The following LINGO2 variants were observed in gnomAD, a reference collection of about 807,000 sequenced individuals.
The protein encoded by LINGO2 is leucine-rich repeat and immunoglobulin-like domain-containing nogo receptor-interacting protein 2.
In LINGO2, 14 loss-of-function variants were observed where a neutral mutation model predicts 30.6. The observed-to-expected ratio is 0.46, with a 90% CI of 0.30 to 0.72. The LOEUF is 0.72. Ranked by LOEUF, LINGO2 falls within the 30% of genes least tolerant of loss-of-function variation. LINGO2 has a pLI of 0.07. For missense variants in LINGO2, 729 were observed against 751.7 expected (o/e 0.97, Z 0.35); for synonymous variants, 317 against 288.5 (o/e 1.10, Z -1.00).
the LINGO2 span, among the ~76,000 whole-genome samples, chr9:29,196,330 G>C: frequency 6.6e-6 from 1 of 151,912 alleles, no homozygotes; most frequent in African/African-American, 2.4e-5. Context: ...TATTTATCAT[G>C]TATAAGACAT....
chr9:28,635,186 C>T (rs1166633511), intron 1 of LINGO2, among the ~76,000 whole-genome samples: 2 of 152,210 alleles, frequency 1.3e-5, no homozygotes, highest in Non-Finnish European at 2.9e-5. Context: ...TCTTATTCTA[C>T]ACCTGTTGGA....
At chr9:28,340,789 G>A (rs1184119834) in intron 3 of LINGO2, among the ~76,000 whole-genome samples, 2 of 152,002 alleles carry the variant, frequency 1.3e-5, no homozygotes, top group African/African-American at 4.8e-5. Flanking sequence ...TAGAAAATAC[G>A]TAAAACTGTG....
chr9:29,154,677 A>T, the LINGO2 span, among the ~76,000 whole-genome samples: 1 of 152,188 alleles, frequency 6.6e-6, no homozygotes, highest in Non-Finnish European at 1.5e-5. Flanking sequence ...TTTTATAAGG[A>T]AAACAAATAT....
rs1377800431 is a variant in LINGO2 at position 28,254,919 on chromosome 9, AC to A, written c.-87+40288del. On this transcript the variant is annotated intron_variant, in intron 4 of 5. Transcript: ENST00000379992. ...TTTTCCTGATCCTCTCCCTGTTTCC[AC>A]CCTCCACCCTACAATAGGCCCCAGT... 2.0e-5 allele frequency among the ~76,000 whole-genome samples: 3 copies of A among 151,654 alleles called. No individual in the cohort carries two copies. The East Asian group carries it at 5.8e-4, about 29-fold the overall frequency.
intron 3 of LINGO2, among the ~76,000 whole-genome samples, chr9:28,330,027 G>A (rs1234638092): frequency 6.6e-6 from 1 of 152,146 alleles, no homozygotes; most frequent in African/African-American, 2.4e-5. Flanking sequence ...CAATGCGATA[G>A]TGTTTGGAGA....
At chr9:28,798,879 G>A in the LINGO2 span, among the ~76,000 whole-genome samples, 1 of 152,208 alleles carries the variant, frequency 6.6e-6, no homozygotes, top group East Asian at 1.9e-4. Context: ...ACACATATGT[G>A]AGAGGTACAG....
chr9:28,295,171 A>C (rs1823878101), intron 4 of LINGO2, 37 bp downstream of exon 6: 1 of 152,500 alleles, frequency 6.6e-6, no homozygotes. Flanking sequence ...CCCTTAGAGC[A>C]AGTAATAAAT....
intron 2 of LINGO2, among the ~76,000 whole-genome samples, chr9:28,386,410 A>T (rs145772235): frequency 0.01 from 1,586 of 152,264 alleles, 31 homozygotes; most frequent in African/African-American, 0.036. Flanking sequence ...AACTGTACAT[A>T]TCCTGTTCCT....
At chr9:28,307,631 A>C (rs1824424315) in intron 3 of LINGO2, among the ~76,000 whole-genome samples, 1 of 152,184 alleles carries the variant, frequency 6.6e-6, no homozygotes, top group Admixed American at 6.5e-5. Context: ...GAAAAGAGGA[A>C]GTCAAATTGT....
At chr9:29,014,826 A>C in the LINGO2 span, among the ~76,000 whole-genome samples, 1 of 152,140 alleles carries the variant, frequency 6.6e-6, no homozygotes, top group East Asian at 1.9e-4. Flanking sequence ...GAATGTAAAA[A>C]ATGTTATGAC....
the LINGO2 span, among the ~76,000 whole-genome samples, chr9:28,734,882 T>C: frequency 1.3e-5 from 2 of 152,188 alleles, no homozygotes; most frequent in South Asian, 2.1e-4. Flanking sequence ...TTCATATCAA[T>C]TGAATGACAC....
chr9:28,498,362 C>T (rs990512103), intron 1 of LINGO2, among the ~76,000 whole-genome samples: 6 of 152,142 alleles, frequency 3.9e-5, no homozygotes, highest in Admixed American at 6.6e-5. Context: ...CAATGGCGGG[C>T]GCCCCTCCGC....
rs1040870999 is a variant in LINGO2 at position 28,064,167 on chromosome 9, G to A, written c.-86-51762C>T. Among the ~76,000 whole-genome samples, 3 of 152,124 alleles carry A rather than the reference G, an allele frequency of 2.0e-5. No homozygotes were observed. In the South Asian group the frequency reaches 6.2e-4, roughly 31 times the overall value. ...AGCAGTGGCATAACATCAGAGAAAT[G>A]TCTAATCACCTTACCAGTCATTGTG... On this transcript the variant is annotated intron_variant, in intron 4 of 5. Coordinates refer to ENST00000379992, the Ensembl canonical transcript of LINGO2.
At chr9:28,479,313 T>A (rs1172543462) in intron 1 of LINGO2, among the ~76,000 whole-genome samples, 3 of 151,910 alleles carry the variant, frequency 2.0e-5, no homozygotes, top group Admixed American at 1.3e-4. Context: ...AAGAATCATA[T>A]CTCTGCTAGA....
At chr9:28,010,696 T>C (rs942353626) in intron 5 of LINGO2, among the ~76,000 whole-genome samples, 6 of 152,220 alleles carry the variant, frequency 3.9e-5, no homozygotes, top group Non-Finnish European at 7.3e-5. Flanking sequence ...CTTACGCCTA[T>C]AATCTCAGCA....
rs1273036735 is a variant in LINGO2 at position 28,147,586 on chromosome 9, CG to C, written c.-86-135182del. The stretch of plus-strand genomic sequence containing the variant: ...GCTTCCAGGTTCTGGCCCTGTAACC[CG>C]GGGGACAGGGCCGGCCAAGACAGGG... On this transcript the variant is annotated intron_variant, in intron 4 of 5. Transcript: ENST00000379992. This position sits in a 1 kb window ranked among gnomAD's most constrained non-coding sequence, Gnocchi z 4.7. 6.6e-6 allele frequency among the ~76,000 whole-genome samples: 1 copy of C among 151,966 alleles called. No homozygotes were observed. Among genetic ancestry groups the C allele is most frequent in the Non-Finnish European group, 1.5e-5 (1 of 67,986 alleles).
At chr9:28,298,663 A>G (rs2134197709) in intron 3 of LINGO2, among the ~76,000 whole-genome samples, 1 of 151,060 alleles carries the variant, frequency 6.6e-6, no homozygotes, top group Admixed American at 6.6e-5. Flanking sequence ...AGCCTGGGCA[A>G]CAAGAGCAAA....
chr9:29,086,089 A>G, the LINGO2 span, among the ~76,000 whole-genome samples: 2 of 152,120 alleles, frequency 1.3e-5, no homozygotes, highest in Non-Finnish European at 2.9e-5. Context: ...TCCTAATTAG[A>G]CCATAGGGAG....
intron 4 of LINGO2, among the ~76,000 whole-genome samples, chr9:28,050,554 G>C (rs929695972): frequency 1.3e-5 from 2 of 150,636 alleles, no homozygotes; most frequent in African/African-American, 4.9e-5. Context: ...TCACTGATAG[G>C]GTTCTAATCC....
Sources: gnomAD v4.1 joint callset for allele counts (sites outside exome capture counted in the v4.1 genomes callset) on GRCh38, gnomAD v4.1.1 for gene constraint, Gnocchi (gnomAD v3.1) non-coding constraint, MANE v1.5 for transcripts, NCBI Gene and HGNC (gene_info 2026-07-23, HGNC 2026-07-21) for gene names.